CAMK2D: variants seen among roughly 807,000 people sequenced by gnomAD.
The protein encoded by CAMK2D is calcium/calmodulin-dependent protein kinase type II subunit delta.
Under a neutral mutation model 84.0 loss-of-function variants are expected in CAMK2D, and 37 were observed. The observed-to-expected ratio is 0.44, with a 90% confidence interval of 0.34 to 0.58. CAMK2D has a LOEUF of 0.58. Ranked by LOEUF, CAMK2D falls within the 20% of genes least tolerant of loss-of-function variation. The pLI is 0.02. For synonymous variants in CAMK2D, 202 were observed against 212.5 expected, an observed-to-expected ratio of 0.95 and a Z score of 0.43; for missense variants, 448 against 652.5, an observed-to-expected ratio of 0.69 and a Z score of 3.41.
chr4:113,531,543 T>C (rs1560760446), intron 7 of CAMK2D, among the ~76,000 whole-genome samples: 2 of 152,200 alleles, frequency 1.3e-5, no homozygotes. Context: ...AAGGCCAATC[T>C]ACTATGCTGC....
chr4:113,469,311 G>A (rs557175761), intron 16 of CAMK2D, among the ~76,000 whole-genome samples: 4 of 152,200 alleles, frequency 2.6e-5, no homozygotes, highest in Admixed American at 6.5e-5. Flanking sequence ...GGGATTATGC[G>A]CATTGCCCAA....
Position 113,761,475 on chromosome 4 carries a change from G to A in CAMK2D, c.-407C>T, listed in dbSNP as rs1019429413. 6 of 1,105,984 alleles carry A rather than the reference G, an allele frequency of 5.4e-6. No individual in the cohort carries two copies. The highest frequency in any genetic ancestry group is 1.4e-4 in the East Asian group (2 of 13,942). The allele number at this position is 1,105,984 out of a possible 1,614,324, so 68.5% of individuals were successfully genotyped here. On this transcript the variant is annotated 5_prime_UTR_variant, in exon 1 of 21. Transcript: ENST00000511664. ...AACGATCCGCACTGGAGCAGGAGGA[G>A]TAGAAGCAGAGGGGAGGGAGTCCGA...
chr4:113,509,180 C>G (rs1451807083), intron 13 of CAMK2D, among the ~76,000 whole-genome samples: 9 of 152,178 alleles, frequency 5.9e-5, no homozygotes, highest in Non-Finnish European at 1.0e-4. Flanking sequence ...TTTATAAAAA[C>G]TGCCCAAGCA....
chr4:113,663,562 C>T (rs1324215079), intron 2 of CAMK2D, among the ~76,000 whole-genome samples: 1 of 149,630 alleles, frequency 6.7e-6, no homozygotes, highest in Admixed American at 6.6e-5. Context: ...GCACTCCAGC[C>T]TGGGTGACAG....
At chr4:113,715,569 A>G (rs78775632) in intron 2 of CAMK2D, among the ~76,000 whole-genome samples, 6 of 152,152 alleles carry the variant, frequency 3.9e-5, no homozygotes, top group Non-Finnish European at 8.8e-5. Flanking sequence ...ACATTCCTCA[A>G]TTAATTTCTA....
At chr4:113,573,568 C>T (rs2098764896) in intron 4 of CAMK2D, among the ~76,000 whole-genome samples, 1 of 152,164 alleles carries the variant, frequency 6.6e-6, no homozygotes, top group Admixed American at 6.5e-5. Context: ...AACGTGGGTG[C>T]AACAGTTAAT....
chr4:113,569,469 T>C (rs1448289563), intron 4 of CAMK2D, among the ~76,000 whole-genome samples: 3 of 152,352 alleles, frequency 2.0e-5, no homozygotes. Flanking sequence ...TTTGTTCTAA[T>C]AATTCTGGTA....
chr4:113,592,094 C>G (rs148802493), intron 4 of CAMK2D, among the ~76,000 whole-genome samples: 15 of 152,190 alleles, frequency 9.9e-5, no homozygotes, highest in African/African-American at 3.1e-4. Flanking sequence ...CAGAGAATGT[C>G]TAAAGTACCA....
intron 2 of CAMK2D, among the ~76,000 whole-genome samples, chr4:113,736,666 AT>A (rs1444423031): frequency 6.6e-6 from 1 of 152,208 alleles, no homozygotes; most frequent in African/African-American, 2.4e-5. Flanking sequence ...GGCATTTCAT[AT>A]TTGAAAACAT....
chr4:113,502,066 A>G (rs1434444581), intron 15 of CAMK2D, among the ~76,000 whole-genome samples: 2 of 152,148 alleles, frequency 1.3e-5, no homozygotes, highest in Non-Finnish European at 2.9e-5. Flanking sequence ...CATTGATAAG[A>G]GTATGGAGAA....
intron 6 of CAMK2D, among the ~76,000 whole-genome samples, chr4:113,545,577 C>T (rs760490970): frequency 4.6e-5 from 7 of 152,016 alleles, no homozygotes; most frequent in Non-Finnish European, 1.0e-4. Flanking sequence ...ATAAAAGGCA[C>T]AAAACAAAGG....
At chr4:113,651,956 T>C (rs2099174967) in intron 3 of CAMK2D, among the ~76,000 whole-genome samples, 1 of 152,176 alleles carries the variant, frequency 6.6e-6, no homozygotes, top group African/African-American at 2.4e-5. Flanking sequence ...AATGTCATGC[T>C]AATATTTCCC....
Position 113,761,701 on chromosome 4 carries a change from G to T in CAMK2D, c.-633C>A, listed in dbSNP as rs1193423827. On this transcript the variant is annotated 5_prime_UTR_variant, in exon 1 of 21. Coordinates refer to ENST00000511664, the MANE Select transcript of CAMK2D (RefSeq NM_001321571.2). ...ACCTTGGCGGCCTCGCGCTGCTCAC[G>T]AGCCCGCGCGGCTTCAAGACGGCGC... is the stretch of plus-strand genomic sequence containing the variant. 3 of 966,224 alleles carry T rather than the reference G, an allele frequency of 3.1e-6. No homozygotes were observed. The highest frequency in any genetic ancestry group is 3.7e-6 in the Non-Finnish European group (3 of 812,698). 59.9% of individuals were successfully genotyped at this position (966,224 alleles called of 1,614,324 possible).
At chr4:113,634,086 A>C (rs989520073) in intron 3 of CAMK2D, among the ~76,000 whole-genome samples, 1 of 152,232 alleles carries the variant, frequency 6.6e-6, no homozygotes, top group Non-Finnish European at 1.5e-5. Flanking sequence ...GGCATAGTCC[A>C]ATCTGTAGTA....
intron 2 of CAMK2D, among the ~76,000 whole-genome samples, chr4:113,736,389 T>C (rs1013574913): frequency 6.6e-6 from 1 of 152,164 alleles, no homozygotes; most frequent in Non-Finnish European, 1.5e-5. Flanking sequence ...GTGTATATCA[T>C]ACCTCAATAT....
At chr4:113,633,236 T>G (rs760674611) in intron 3 of CAMK2D, among the ~76,000 whole-genome samples, 5 of 152,210 alleles carry the variant, frequency 3.3e-5, no homozygotes, top group Non-Finnish European at 5.9e-5. Context: ...ATCTCTGCCA[T>G]TTTTATGCAC....
chr4:113,590,793 A>G (rs1488867709), intron 4 of CAMK2D, among the ~76,000 whole-genome samples: 2 of 152,272 alleles, frequency 1.3e-5, no homozygotes, highest in East Asian at 3.9e-4. Context: ...GAATAACTCT[A>G]CTCAGTTAGA....
chr4:113,645,596 A>G (rs928629999), intron 3 of CAMK2D, among the ~76,000 whole-genome samples: 1 of 152,186 alleles, frequency 6.6e-6, no homozygotes, highest in Non-Finnish European at 1.5e-5. Flanking sequence ...CTGTAGTTTG[A>G]TAACTTCATT....
At chr4:113,609,446 T>C (rs937310098) in intron 3 of CAMK2D, among the ~76,000 whole-genome samples, 6 of 152,196 alleles carry the variant, frequency 3.9e-5, no homozygotes, top group African/African-American at 1.4e-4. Flanking sequence ...TAACTTGTAA[T>C]GATATTAGTA....
Sources: allele counts gnomAD v4.1 joint callset (sites outside exome capture counted in the v4.1 genomes callset), GRCh38; gene constraint gnomAD v4.1.1; transcripts MANE v1.5; gene names NCBI Gene and HGNC (gene_info 2026-07-23, HGNC 2026-07-21).